The following PPM1L variants were observed in gnomAD, a reference collection of about 807,000 sequenced individuals.
PPM1L encodes protein phosphatase, Mg2+/Mn2+ dependent 1L.
PPM1L carries 13 observed loss-of-function variants against 31.4 expected under a neutral mutation model. The ratio of observed to expected loss-of-function variants is 0.41; its 90% CI spans 0.27 to 0.66. The LOEUF is 0.66. PPM1L is among the 30% of genes least tolerant of loss of function. The pLI is 0.29. For missense variants in PPM1L, 326 were observed against 453.7 expected (o/e 0.72, Z 2.56); for synonymous variants, 184 against 175.4 (o/e 1.05, Z -0.39).
chr3:160,920,639 TCACACACACA>T, intron 1 of PPM1L, among the ~76,000 whole-genome samples: 1 of 63,400 alleles, frequency 1.6e-5, no homozygotes, highest in South Asian at 4.6e-4. Context: ...ACACACACAC[TCACACACACA>T]CACACACACA....
intron 2 of PPM1L, among the ~76,000 whole-genome samples, chr3:160,970,424 C>T (rs1449252250): frequency 6.7e-6 from 1 of 149,166 alleles, no homozygotes; most frequent in Non-Finnish European, 1.5e-5. Context: ...ACTAATTTAT[C>T]AATCTTTTTA....
At chr3:160,876,398 A>G (rs1255723818) in intron 1 of PPM1L, among the ~76,000 whole-genome samples, 1 of 152,196 alleles carries the variant, frequency 6.6e-6, no homozygotes, top group Admixed American at 6.5e-5. Context: ...AAGAAGAACA[A>G]AGAAAACTGT....
chr3:160,999,972 G>A (rs1358041529), intron 2 of PPM1L, among the ~76,000 whole-genome samples: 1 of 152,166 alleles, frequency 6.6e-6, no homozygotes, highest in East Asian at 1.9e-4. Flanking sequence ...CTGATTTACA[G>A]GTATTTCTCC....
chr3:161,015,029 C>A (rs1211929804), intron 2 of PPM1L, among the ~76,000 whole-genome samples: 1 of 150,376 alleles, frequency 6.6e-6, no homozygotes, highest in Non-Finnish European at 1.5e-5. Context: ...AGTTGTAAAT[C>A]AAGGAGCAGT....
chr3:160,967,965 C>T (rs1165446940), intron 2 of PPM1L, among the ~76,000 whole-genome samples: 1 of 152,040 alleles, frequency 6.6e-6, no homozygotes, highest in Non-Finnish European at 1.5e-5. Flanking sequence ...ATCTGCAAGG[C>T]TTCCTGTAGC....
intron 1 of PPM1L, among the ~76,000 whole-genome samples, chr3:160,893,408 A>G (rs79687331): frequency 0.012 from 1,888 of 152,274 alleles, 37 homozygotes; most frequent in African/African-American, 0.044. Flanking sequence ...CTCACTCAGC[A>G]TTTTTGTTTA....
intron 1 of PPM1L, among the ~76,000 whole-genome samples, chr3:160,892,159 A>G (rs997674316): frequency 1.3e-5 from 2 of 152,172 alleles, no homozygotes; most frequent in African/African-American, 4.8e-5. Flanking sequence ...ATGGAAATAT[A>G]TGAGGCTGGA....
At chr3:160,814,332 T>A (rs888812905) in intron 1 of PPM1L, among the ~76,000 whole-genome samples, 1 of 152,108 alleles carries the variant, frequency 6.6e-6, no homozygotes, top group Admixed American at 6.6e-5. Context: ...AATAGGTGGA[T>A]GATTCAAAGT....
intron 2 of PPM1L, among the ~76,000 whole-genome samples, chr3:161,016,525 T>C (rs1718092342): frequency 1.3e-5 from 2 of 152,178 alleles, no homozygotes; most frequent in African/African-American, 4.8e-5. Flanking sequence ...AGATGTTAAA[T>C]TGGATTTCAC....
chr3:160,881,934 C>G (rs1183283154), intron 1 of PPM1L, among the ~76,000 whole-genome samples: 1 of 152,020 alleles, frequency 6.6e-6, no homozygotes, highest in Non-Finnish European at 1.5e-5. Context: ...GTCTGTAATC[C>G]CAGCTACTAG....
intron 1 of PPM1L, among the ~76,000 whole-genome samples, chr3:160,829,808 G>A (rs1372816406): frequency 6.6e-6 from 1 of 152,108 alleles, no homozygotes; most frequent in Non-Finnish European, 1.5e-5. Context: ...GGTGGGAGGT[G>A]GGGGATGAAT....
intron 2 of PPM1L, among the ~76,000 whole-genome samples, chr3:161,063,502 A>G (rs1002160702): frequency 6.6e-6 from 1 of 152,110 alleles, no homozygotes; most frequent in African/African-American, 2.4e-5. Flanking sequence ...TCTGCTCTTG[A>G]TATCAACCTG....
At chr3:161,011,974 T>C (rs1717909481) in intron 2 of PPM1L, among the ~76,000 whole-genome samples, 1 of 152,202 alleles carries the variant, frequency 6.6e-6, no homozygotes, top group South Asian at 2.1e-4. Flanking sequence ...CATGGACAAT[T>C]TGACTTCCTC....
chr3:160,765,712 A>G (rs1333198005), intron 1 of PPM1L, among the ~76,000 whole-genome samples: 3 of 152,190 alleles, frequency 2.0e-5, no homozygotes, highest in Admixed American at 2.0e-4. Flanking sequence ...ATAAACAAAA[A>G]TGACTTATAT....
At chr3:161,026,369 G>A (rs112071527) in intron 2 of PPM1L, among the ~76,000 whole-genome samples, 1 of 152,154 alleles carries the variant, frequency 6.6e-6, no homozygotes, top group African/African-American at 2.4e-5. Flanking sequence ...TCTCAGAAGA[G>A]GTAACATCTT....
chr3:160,860,684 A>G (rs1839019), intron 1 of PPM1L, among the ~76,000 whole-genome samples: 83,701 of 152,058 alleles, frequency 0.55, 26,244 homozygotes, highest in African/African-American at 0.87. Context: ...AAGACCATAG[A>G]TGAGTGGCTT....
intron 1 of PPM1L, among the ~76,000 whole-genome samples, chr3:160,831,009 A>T (rs1191642281): frequency 6.6e-6 from 1 of 152,222 alleles, no homozygotes; most frequent in Non-Finnish European, 1.5e-5. Flanking sequence ...ACCAACTGCA[A>T]TCTGCCCATA....
chr3:161,031,907 C>T (rs747114128), intron 2 of PPM1L, among the ~76,000 whole-genome samples: 19 of 152,112 alleles, frequency 1.2e-4, no homozygotes, highest in Admixed American at 2.0e-4. Context: ...CTATAAGGGC[C>T]ACTGAGTGGA....
At chr3:160,872,781 G>T (rs1230943391) in intron 1 of PPM1L, among the ~76,000 whole-genome samples, 5 of 152,028 alleles carry the variant, frequency 3.3e-5, no homozygotes, top group Non-Finnish European at 7.4e-5. Context: ...AAAAAGATTA[G>T]CTGGGCGTGG....
Sources: gnomAD v4.1 joint callset for allele counts (sites outside exome capture counted in the v4.1 genomes callset) on GRCh38, gnomAD v4.1.1 for gene constraint, MANE v1.5 for transcripts, NCBI Gene and HGNC (gene_info 2026-07-23, HGNC 2026-07-21) for gene names.